PDZD4: variants seen among roughly 807,000 people sequenced by gnomAD.
The protein encoded by PDZD4 is PDZ domain containing 4.
A neutral mutation model predicts 38.5 loss-of-function variants in PDZD4; 9 were observed. That is an observed-to-expected ratio of 0.23 (90% CI 0.14 to 0.41). PDZD4 has a LOEUF of 0.41. Ranked by LOEUF, PDZD4 falls within the 10% of genes least tolerant of loss-of-function variation. PDZD4 has a pLI of 1.00. For synonymous variants in PDZD4, 349 were observed against 315.7 expected (o/e 1.11, Z -1.12); for missense variants, 612 against 722.0 (o/e 0.85, Z 1.75).
At position 153,803,886 on chromosome X, in the gene PDZD4, G is replaced by A. The variant is rs782508829; in HGVS notation, c.1795C>T (p.Leu599=). ...SCVQLAPTRG[L]EELGHGPLSL... is the part of the protein sequence containing the mutation. ...AGGGGGCCGTGGCCCAGCTCCTCCA[G>A]GCCTCGCGTCGGGGCCAGCTGCACG... The change falls in exon 8 of 8, where the codon CTG becomes TTG. Residue 599 remains leucine (L), a synonymous_variant. Transcript: ENST00000393758. The A allele has an allele frequency of 2.5e-5, 30 of 1,182,987 alleles. No individual in the cohort carries two copies. Among genetic ancestry groups the A allele is most frequent in the Non-Finnish European group, 3.3e-5 (29 of 884,065 alleles).
intron 1 of PDZD4, among the ~76,000 whole-genome samples, chrX:153,814,505 T>A (rs1557079449): frequency 1.5e-5 from 1 of 66,936 alleles, no homozygotes; most frequent in African/African-American, 6.1e-5. Context: ...AAAAGTCTCC[T>A]TCATCAAGTG....
In PDZD4 at chrX:153,802,585, G is replaced by A. The variant is rs2092179167; in HGVS notation, c.*768C>T. On this transcript the variant is annotated 3_prime_UTR_variant, in exon 8 of 8. Coordinates refer to ENST00000393758, the MANE Select transcript of PDZD4 (RefSeq NM_001303512.2). ...CCGTTCCTGCAGTCTTGCTCTCTCT[G>A]AGTCACTGGGGAAACAGGTGCCCCC... 9.0e-6 allele frequency: 1 copy of A among 111,612 alleles called. No homozygotes were observed. Among genetic ancestry groups the A allele is most frequent in the Non-Finnish European group, 1.9e-5 (1 of 52,942 alleles). 9.2% of individuals were successfully genotyped at this position (111,612 alleles called of 1,213,427 possible).
At chrX:153,807,132 G>A (rs1603262242) in intron 3 of PDZD4, 147 bp downstream of exon 3, 8 of 552,193 alleles carry the variant, frequency 1.4e-5, no homozygotes, top group Non-Finnish European at 1.8e-5. Flanking sequence ...CGACATGGAC[G>A]GAACACGTAA....
intron 2 of PDZD4, chrX:153,807,738 G>T: frequency 2.2e-6 from 1 of 457,360 alleles, no homozygotes; most frequent in Non-Finnish European, 3.0e-6. Context: ...GCCCCCAGGA[G>T]TTATCCAGGC....
intron 5 of PDZD4, 51 bp from the exon 6 acceptor site, chrX:153,805,657 C>T (rs1295624145): frequency 2.8e-6 from 3 of 1,076,500 alleles, no homozygotes; most frequent in Admixed American, 2.2e-5. Context: ...GGCCCTGGGG[C>T]GGACCCTGGG....
At chrX:153,808,682 C>T in intron 1 of PDZD4, 87 bp from the exon 2 acceptor site, 2 of 1,026,693 alleles carry the variant, frequency 1.9e-6, no homozygotes, top group Non-Finnish European at 2.5e-6. Flanking sequence ...CTGGCAGGAC[C>T]TGGGCTGACA....
At chrX:153,809,127 G>A (rs1191937707) in intron 1 of PDZD4, among the ~76,000 whole-genome samples, 1 of 112,602 alleles carries the variant, frequency 8.9e-6, no homozygotes, top group Non-Finnish European at 1.9e-5. Context: ...ACTCACTAGG[G>A]AGGGCCAGGG....
chrX:153,829,813 G>A (rs1289449739), intron 1 of PDZD4: 28 of 757,691 alleles, frequency 3.7e-5, no homozygotes, highest in East Asian at 1.5e-4. Context: ...CCCAGCCCCC[G>A]GACGGACTTG....
chrX:153,819,527 T>C (rs1247808656), intron 1 of PDZD4, among the ~76,000 whole-genome samples: 1 of 112,113 alleles, frequency 8.9e-6, no homozygotes, highest in African/African-American at 3.2e-5. Context: ...GGCTGCCACC[T>C]TCGGACTCCC....
At chrX:153,825,050 CCT>C (rs1350679674) in intron 1 of PDZD4, among the ~76,000 whole-genome samples, 1 of 112,534 alleles carries the variant, frequency 8.9e-6, no homozygotes, top group African/African-American at 3.2e-5. Flanking sequence ...GGGGCAAGGC[CCT>C]GTCTGCAGTG....
rs1303081945 is a variant in PDZD4, at chrX:153,809,590, G to GA, written c.61-996dup. Among the ~76,000 whole-genome samples, 3 of 111,052 alleles carry GA rather than the reference G, an allele frequency of 2.7e-5. No individual in the cohort carries two copies. In the Admixed American group the frequency reaches 2.8e-4, roughly 11 times the overall value. ...CGACAGAGCGAGACTCCGTCTCAAA[G>GA]AAAAAAAAATGCCACTACTGTTTTT... On this transcript the variant is annotated intron_variant, in intron 1 of 7. Transcript: ENST00000393758.
intron 1 of PDZD4, among the ~76,000 whole-genome samples, chrX:153,829,293 A>G (rs2064515662): frequency 9.5e-6 from 1 of 105,719 alleles, no homozygotes; most frequent in African/African-American, 3.5e-5. Context: ...CCTGCAAAGC[A>G]CTTGATTCCT....
chrX:153,804,476 C>T lies in PDZD4; in HGVS notation c.1205G>A (p.Gly402Asp). 1 of 1,210,278 alleles carries T rather than the reference C, an allele frequency of 8.3e-7. No individual in the cohort carries two copies. Among genetic ancestry groups the T allele is most frequent in the Non-Finnish European group, 1.1e-6 (1 of 895,573 alleles). Reference sequence around the variant, plus strand: ...CTCCTCCAGCATGGCCATCTCGTGGCCCAGGCTCTCGTTGCGGTTGACGTC... The same window carrying T: ...CTCCTCCAGCATGGCCATCTCGTGGTCCAGGCTCTCGTTGCGGTTGACGTC... Reference protein sequence around the residue: ...ALDVNRNESLGHEMAMLEEEL... With the variant: ...ALDVNRNESLDHEMAMLEEEL... The change falls in exon 8 of 8, where the codon GGC becomes GAC. Residue 402 changes from glycine (G) to aspartate (D), a missense_variant. By Grantham distance (94) the Gly-to-Asp change is moderately conservative (BLOSUM62 -1). This residue lies in a region of PDZD4 where 300 missense variants were observed against 284.6 expected (regional missense o/e 1.05). Transcript: ENST00000393758.
chrX:153,810,484 C>G (rs1459601379), intron 1 of PDZD4, among the ~76,000 whole-genome samples: 1 of 112,823 alleles, frequency 8.9e-6, no homozygotes, highest in Non-Finnish European at 1.9e-5. Flanking sequence ...GACCCAGAGT[C>G]CGCCTAGGGA....
chrX:153,815,649 A>T (rs998717059), intron 1 of PDZD4, among the ~76,000 whole-genome samples: 7 of 111,578 alleles, frequency 6.3e-5, no homozygotes, highest in African/African-American at 2.3e-4. Context: ...CAGGTCGGGG[A>T]GGGGACCTGG....
intron 1 of PDZD4, among the ~76,000 whole-genome samples, chrX:153,827,220 G>C (rs1157563445): frequency 8.9e-6 from 1 of 112,103 alleles, no homozygotes; most frequent in African/African-American, 3.2e-5. Context: ...AAATCACAAT[G>C]AGATACCACT....
chrX:153,813,439 C>T (rs1256864786), intron 1 of PDZD4, among the ~76,000 whole-genome samples: 17 of 112,195 alleles, frequency 1.5e-4, no homozygotes, highest in Admixed American at 1.5e-3. Context: ...ACCAGGAGGA[C>T]CAGGAGGATG....
intron 1 of PDZD4, 100 bp downstream of exon 1, chrX:153,830,139 G>T (rs1206928778): frequency 7.4e-6 from 6 of 813,609 alleles, no homozygotes; most frequent in Non-Finnish European, 8.4e-6. Flanking sequence ...TGTCCTCCTC[G>T]AGCCCTCCCG....
At chrX:153,817,660 T>C (rs2064377017) in intron 1 of PDZD4, among the ~76,000 whole-genome samples, 1 of 111,982 alleles carries the variant, frequency 8.9e-6, no homozygotes, top group South Asian at 3.7e-4. Context: ...AAGTCACTAG[T>C]GGTAAATGTT....
Sources: allele counts gnomAD v4.1 joint callset (sites outside exome capture counted in the v4.1 genomes callset), GRCh38; gene constraint gnomAD v4.1.1; regional missense constraint gnomAD v4.1.1; transcripts MANE v1.5; gene names NCBI Gene and HGNC (gene_info 2026-07-23, HGNC 2026-07-21).